PGR: variants seen among roughly 807,000 people sequenced by gnomAD.
PGR encodes the protein progesterone receptor.
In PGR, 25 loss-of-function variants were observed where a neutral mutation model predicts 76.1. That is an observed-to-expected ratio of 0.33 (90% confidence interval 0.24 to 0.46). The LOEUF is 0.46. PGR is among the 20% of genes least tolerant of loss of function. The probability of loss-of-function intolerance (pLI) is 1.00; values close to 1 mark genes in which losing one functional copy is unlikely to be tolerated. For missense variants in PGR, 1,172 were observed against 1,225.3 expected, an observed-to-expected ratio of 0.96 and a Z score of 0.65; for synonymous variants, 579 against 535.0, an observed-to-expected ratio of 1.08 and a Z score of -1.14.
rs941876568 is a variant in PGR at position 101,129,023 on chromosome 11, GC to G, written c.47del (p.Gly16AlafsTer150). 1.3e-6 allele frequency: 2 copies of G among 1,565,120 alleles called. No homozygotes were observed. Among genetic ancestry groups the G allele is most frequent in the African/African-American group, 2.7e-5 (2 of 73,718 alleles). On this transcript the variant is annotated frameshift_variant, in exon 1 of 8. Coordinates refer to ENST00000325455, the MANE Select transcript of PGR (RefSeq NM_000926.4). LOFTEE classifies it high-confidence loss of function. ...AKGPRAPHVA[G>X]GPPSPEVGSP... The stretch of plus-strand genomic sequence containing the variant: ...ATCCGACCTCGGGGGAGGGCGGGCC[GC>G]CCGCCACGTGGGGAGCCCGGGGACC...
chr11:101,089,937 G>A (rs1458944037), intron 3 of PGR, among the ~76,000 whole-genome samples: 1 of 152,182 alleles, frequency 6.6e-6, no homozygotes, highest in Non-Finnish European at 1.5e-5. Flanking sequence ...AGTGGCTCAC[G>A]CCTGTAATCC....
chr11:101,106,441 A>AT (rs1199975150), intron 2 of PGR, among the ~76,000 whole-genome samples: 4 of 152,236 alleles, frequency 2.6e-5, no homozygotes, highest in Non-Finnish European at 4.4e-5. Context: ...AAAGACATTT[A>AT]TGCAGCCGAC....
intron 3 of PGR, among the ~76,000 whole-genome samples, chr11:101,086,375 C>T (rs559686031): frequency 7.9e-5 from 12 of 152,138 alleles, no homozygotes; most frequent in South Asian, 2.1e-4. Flanking sequence ...AAACAGCTTT[C>T]GATAAAATGC....
Position 101,085,299 on chromosome 11 carries a change from A to T in PGR, c.1906+6461T>A, listed in dbSNP as rs116091945. On this transcript the variant is annotated intron_variant, in intron 3 of 7. Coordinates refer to ENST00000325455, the MANE Select transcript of PGR (RefSeq NM_000926.4). ...CATCAAGAAGATCTGTACAAACCAC[A>T]CAATTACATGGAAATTAAAAAGTTT... Among the ~76,000 whole-genome samples the T allele has an allele frequency of 7.3e-3, 1,104 of 152,252 alleles. 15 individuals carry two copies. Among genetic ancestry groups the T allele is most frequent in the African/African-American group, 0.025 (1,037 of 41,548 alleles).
intron 4 of PGR, among the ~76,000 whole-genome samples, chr11:101,061,456 T>C (rs1355975992): frequency 1.3e-5 from 2 of 152,184 alleles, no homozygotes; most frequent in Admixed American, 6.5e-5. Flanking sequence ...AATTCATCTA[T>C]TGTATTTCAA....
chr11:101,089,509 A>G (rs1413572638), intron 3 of PGR, among the ~76,000 whole-genome samples: 2 of 152,166 alleles, frequency 1.3e-5, no homozygotes, highest in Non-Finnish European at 1.5e-5. Context: ...TCATTATTTG[A>G]CATGTACATT....
At chr11:101,119,622 G>A (rs1397379062) in intron 2 of PGR, among the ~76,000 whole-genome samples, 2 of 151,994 alleles carry the variant, frequency 1.3e-5, no homozygotes, top group Admixed American at 1.3e-4. Flanking sequence ...ATAAAGGAGT[G>A]CTTTTTAAAA....
At position 101,129,237 on chromosome 11, in the gene PGR, C is replaced by T. The variant is rs1042111450; in HGVS notation, c.-167G>A. 1.8e-6 allele frequency: 1 copy of T among 553,002 alleles called. No homozygotes were observed. The highest frequency in any genetic ancestry group is 1.9e-5 in the African/African-American group (1 of 53,088). 34.3% of individuals were successfully genotyped at this position (553,002 alleles called of 1,614,324 possible). A position where few individuals can be genotyped will look rare whatever the true frequency, so the allele number is the denominator to read the frequency against. On this transcript the variant is annotated 5_prime_UTR_variant, in exon 1 of 8. Transcript: ENST00000325455. ...GGGTCGGGGGCGGGGGAGGGCGGCG[C>T]TGGTCAGCTCCTGCCCTTGGCCTCC... is the stretch of plus-strand genomic sequence containing the variant.
intron 2 of PGR, among the ~76,000 whole-genome samples, chr11:101,100,758 G>T (rs531093186): frequency 6.6e-6 from 1 of 152,034 alleles, no homozygotes; most frequent in Non-Finnish European, 1.5e-5. Context: ...ACAATATCTG[G>T]AGACAATTTT....
At chr11:101,071,094 G>A (rs1860919493) in intron 3 of PGR, among the ~76,000 whole-genome samples, 1 of 152,130 alleles carries the variant, frequency 6.6e-6, no homozygotes, top group African/African-American at 2.4e-5. Context: ...AATCTGGTGG[G>A]TGCCCTGCTG....
At chr11:101,097,054 A>T (rs755113129) in intron 2 of PGR, among the ~76,000 whole-genome samples, 27 of 152,180 alleles carry the variant, frequency 1.8e-4, no homozygotes, top group Non-Finnish European at 3.4e-4. Context: ...TCTCTCCCTT[A>T]ATATATGCAT....
intron 3 of PGR, among the ~76,000 whole-genome samples, chr11:101,080,189 T>G (rs1170550250): frequency 2.0e-5 from 3 of 152,266 alleles, no homozygotes; most frequent in Non-Finnish European, 4.4e-5. Flanking sequence ...ATCAGCCTAT[T>G]GCCTAAGACA....
At chr11:101,100,848 C>T (rs886799530) in intron 2 of PGR, among the ~76,000 whole-genome samples, 1 of 152,054 alleles carries the variant, frequency 6.6e-6, no homozygotes, top group African/African-American at 2.4e-5. Context: ...CAGGACATCC[C>T]CCCCTGCAAC....
Position 101,126,178 on chromosome 11 carries a change from T to C in PGR, c.1638-20A>G. The C allele has an allele frequency of 6.2e-7, 1 of 1,612,520 alleles. No homozygotes were observed. ...TCCGGCCTTGAAATGCAAAACAAAG[T>C]ACTCCATTTATTTTTAAGTGCACCA... On this transcript the variant is annotated intron_variant, in intron 1 of 7. Coordinates refer to ENST00000325455, the MANE Select transcript of PGR (RefSeq NM_000926.4).
intron 2 of PGR, among the ~76,000 whole-genome samples, chr11:101,123,492 G>A (rs534171182): frequency 2.6e-5 from 4 of 152,182 alleles, no homozygotes; most frequent in South Asian, 2.1e-4. Context: ...TTAAATTACC[G>A]ATTCTCCAAA....
intron 2 of PGR, among the ~76,000 whole-genome samples, chr11:101,096,635 CACA>C (rs1275505068): frequency 6.6e-6 from 1 of 152,176 alleles, no homozygotes; most frequent in African/African-American, 2.4e-5. Flanking sequence ...TTAGCCCTGT[CACA>C]ACATTTTCCT....
At chr11:101,117,385 G>T (rs368423242) in intron 2 of PGR, among the ~76,000 whole-genome samples, 1 of 151,660 alleles carries the variant, frequency 6.6e-6, no homozygotes, top group South Asian at 2.1e-4. Context: ...TTTGTATATG[G>T]GTAATAATTT....
chr11:101,109,834 T>C (rs1298719020), intron 2 of PGR, among the ~76,000 whole-genome samples: 10 of 152,336 alleles, frequency 6.6e-5, no homozygotes, highest in Admixed American at 2.0e-4. Context: ...GAGAAGTCAA[T>C]GCCTGGCTTC....
In PGR at chr11:101,031,258, T is replaced by A. The variant is rs1257713276; in HGVS notation, c.*7858A>T. On this transcript the variant is annotated 3_prime_UTR_variant, in exon 8 of 8. Coordinates refer to ENST00000325455, the MANE Select transcript of PGR (RefSeq NM_000926.4). The stretch of plus-strand genomic sequence containing the variant: ...ACAAGCCAAAGACTTAAATATGAGA[T>A]GATAGCAACGGGGGTCTATGACCAG... 1 of 222,780 alleles carries A rather than the reference T, an allele frequency of 4.5e-6. No individual in the cohort carries two copies. Among genetic ancestry groups the A allele is most frequent in the Non-Finnish European group, 9.0e-6 (1 of 111,666 alleles). The allele number at this position is 222,780 out of a possible 1,614,324, so 13.8% of individuals were successfully genotyped here. A position where few individuals can be genotyped will look rare whatever the true frequency, so the allele number is the denominator to read the frequency against.
Sources: allele counts gnomAD v4.1 joint callset (sites outside exome capture counted in the v4.1 genomes callset), GRCh38; gene constraint gnomAD v4.1.1; transcripts MANE v1.5; gene names NCBI Gene and HGNC (gene_info 2026-07-23, HGNC 2026-07-21).